The following DPYD variants were observed in gnomAD, a reference collection of about 807,000 sequenced individuals.
The protein encoded by DPYD is dihydropyrimidine dehydrogenase [NADP(+)].
Under a neutral mutation model 116.2 loss-of-function variants are expected in DPYD, and 109 were observed. The ratio of observed to expected loss-of-function variants is 0.94; its 90% confidence interval spans 0.80 to 1.10. The LOEUF (loss-of-function observed/expected upper bound fraction) is 1.10. Among genes scored for constraint, DPYD ranks in the 50% least tolerant of loss-of-function variants. The pLI is 0.00. For synonymous variants in DPYD, 440 were observed against 432.0 expected, an observed-to-expected ratio of 1.02 and a Z score of -0.23; for missense variants, 1,302 against 1,254.5, an observed-to-expected ratio of 1.04 and a Z score of -0.57.
intron 14 of DPYD, among the ~76,000 whole-genome samples, chr1:97,431,185 C>CA (rs1178499346): frequency 6.6e-6 from 1 of 152,008 alleles, no homozygotes; most frequent in Non-Finnish European, 1.5e-5. Flanking sequence ...TGTGAGAAAA[C>CA]AGACTCCATC....
intron 2 of DPYD, among the ~76,000 whole-genome samples, chr1:97,858,351 T>A (rs1299299972): frequency 2.6e-5 from 4 of 152,062 alleles, no homozygotes; most frequent in Non-Finnish European, 5.9e-5. Flanking sequence ...ACACAACAAG[T>A]GTCTTCAAAA....
At chr1:97,297,591 T>G (rs1046457140) in intron 18 of DPYD, among the ~76,000 whole-genome samples, 11 of 152,138 alleles carry the variant, frequency 7.2e-5, no homozygotes, top group African/African-American at 2.7e-4. Context: ...TCCAAATCAT[T>G]GATTATCTCC....
chr1:97,091,427 T>A (rs1649889560), intron 21 of DPYD, among the ~76,000 whole-genome samples: 1 of 152,110 alleles, frequency 6.6e-6, no homozygotes, highest in African/African-American at 2.4e-5. Flanking sequence ...ACTGAAGTAA[T>A]CATGTAGCAG....
intron 4 of DPYD, among the ~76,000 whole-genome samples, 174 bp downstream of exon 4, chr1:97,740,218 T>C (rs946113406): frequency 2.6e-5 from 4 of 152,146 alleles, no homozygotes; most frequent in Admixed American, 2.0e-4. Context: ...TCATGATAAA[T>C]CACAACTTGG....
intron 2 of DPYD, among the ~76,000 whole-genome samples, chr1:97,839,735 A>T (rs1571447485): frequency 6.6e-6 from 1 of 152,276 alleles, no homozygotes; most frequent in African/African-American, 2.4e-5. Context: ...TGAAAATGAC[A>T]GGATCTTTTT....
intron 5 of DPYD, among the ~76,000 whole-genome samples, chr1:97,710,121 G>T (rs900278084): frequency 2.7e-5 from 4 of 150,644 alleles, no homozygotes; most frequent in Non-Finnish European, 5.9e-5. Context: ...ATCAGTGTAG[G>T]TCTAAGATAA....
At chr1:97,495,763 C>A (rs1679226549) in intron 13 of DPYD, among the ~76,000 whole-genome samples, 1 of 152,004 alleles carries the variant, frequency 6.6e-6, no homozygotes, top group Non-Finnish European at 1.5e-5. Context: ...ATTGATTTAA[C>A]ATCCTGTTCT....
intron 14 of DPYD, chr1:97,420,227 T>C (rs1570705054): frequency 6.6e-6 from 1 of 152,164 alleles, no homozygotes; most frequent in South Asian, 2.1e-4. Context: ...AGCTGGAACC[T>C]AGAGGGCAAG....
chr1:97,732,236 G>T (rs574656932), intron 4 of DPYD, among the ~76,000 whole-genome samples: 232 of 152,116 alleles, frequency 1.5e-3, no homozygotes, highest in African/African-American at 5.4e-3. Context: ...CAGCACTTTG[G>T]GAGGCCGAGG....
chr1:97,528,434 T>G (rs913767426), intron 12 of DPYD, among the ~76,000 whole-genome samples: 2 of 152,114 alleles, frequency 1.3e-5, no homozygotes, highest in African/African-American at 4.8e-5. Context: ...TAAATAATAT[T>G]AATTGGCTCC....
intron 2 of DPYD, chr1:97,856,298 A>G (rs1167483247): frequency 6.6e-6 from 1 of 152,244 alleles, no homozygotes; most frequent in East Asian, 1.9e-4. Flanking sequence ...TATCCTATTT[A>G]GACTGTGTTT....
intron 18 of DPYD, among the ~76,000 whole-genome samples, chr1:97,279,504 T>C (rs868408326): frequency 6.6e-6 from 1 of 151,918 alleles, no homozygotes; most frequent in African/African-American, 2.4e-5. Flanking sequence ...TTTGTTTGTT[T>C]GTTTGTTTGT....
At chr1:97,584,959 A>G (rs921833352) in intron 10 of DPYD, among the ~76,000 whole-genome samples, 1 of 149,390 alleles carries the variant, frequency 6.7e-6, no homozygotes, top group Non-Finnish European at 1.5e-5. Flanking sequence ...TAATAATAAT[A>G]ATAATAATAA....
At chr1:97,526,892 T>A (rs983627751) in intron 12 of DPYD, among the ~76,000 whole-genome samples, 1 of 152,210 alleles carries the variant, frequency 6.6e-6, no homozygotes, top group African/African-American at 2.4e-5. Context: ...GTAATATTTA[T>A]ACCAGATCCA....
chr1:97,296,565 A>T (rs1334527492), intron 18 of DPYD, among the ~76,000 whole-genome samples: 5 of 152,120 alleles, frequency 3.3e-5, no homozygotes, highest in Admixed American at 6.5e-5. Flanking sequence ...ATTTTGAATA[A>T]TTGTCAATAT....
intron 5 of DPYD, among the ~76,000 whole-genome samples, chr1:97,701,649 T>C (rs955856082): frequency 6.6e-6 from 1 of 151,826 alleles, no homozygotes; most frequent in African/African-American, 2.4e-5. Context: ...TACCACAAAC[T>C]ATTGTAAATA....
intron 20 of DPYD, among the ~76,000 whole-genome samples, chr1:97,171,079 C>T (rs1000574057): frequency 1.8e-4 from 28 of 152,040 alleles, no homozygotes; most frequent in Admixed American, 1.0e-3. Flanking sequence ...GGAGTCATAA[C>T]CCAAGTTGGA....
chr1:97,844,959 T>C lies in DPYD; in HGVS notation c.151-16763A>G, dbSNP rs181836757. ...CTGGGTGTGCACACATTTGCAGCAGTGCTGACAGGCCAGCTGTCTCTCACC... is the reference window on the plus strand; with the variant it reads ...CTGGGTGTGCACACATTTGCAGCAGCGCTGACAGGCCAGCTGTCTCTCACC... On this transcript the variant is annotated intron_variant, in intron 2 of 22. Coordinates refer to ENST00000370192, the MANE Select transcript of DPYD (RefSeq NM_000110.4). 1.4e-3 allele frequency among the ~76,000 whole-genome samples: 219 copies of C among 152,312 alleles called. 1 individual carries two copies. The highest frequency in any genetic ancestry group is 5.1e-3 in the African/African-American group (210 of 41,572).
chr1:97,448,836 C>T (rs1676235916), intron 14 of DPYD, among the ~76,000 whole-genome samples: 1 of 151,986 alleles, frequency 6.6e-6, no homozygotes. Flanking sequence ...ATCCAAACGA[C>T]TATCTTGAGG....
Sources: gnomAD v4.1 joint callset for allele counts (sites outside exome capture counted in the v4.1 genomes callset) on GRCh38, gnomAD v4.1.1 for gene constraint, MANE v1.5 for transcripts, NCBI Gene and HGNC (gene_info 2026-07-23, HGNC 2026-07-21) for gene names.